The following PLCB1 variants were observed in gnomAD, a reference collection of about 807,000 sequenced individuals.
The protein encoded by PLCB1 is 1-phosphatidylinositol 4,5-bisphosphate phosphodiesterase beta-1.
Under a neutral mutation model 161.8 loss-of-function variants are expected in PLCB1, and 46 were observed. The observed-to-expected ratio is 0.28, with a 90% CI of 0.22 to 0.36. The LOEUF is 0.36. PLCB1 is among the 10% of genes least tolerant of loss of function. The pLI is 1.00. For synonymous variants in PLCB1, 517 were observed against 503.7 expected (o/e 1.03, Z -0.35); for missense variants, 1,016 against 1,472.5 (o/e 0.69, Z 5.07).
At chr20:8,386,802 A>T (rs776068899) in intron 3 of PLCB1, among the ~76,000 whole-genome samples, 1 of 152,226 alleles carries the variant, frequency 6.6e-6, no homozygotes, top group African/African-American at 2.4e-5. Context: ...TCTCAGCTAG[A>T]TCTTCTGGGT....
intron 3 of PLCB1, among the ~76,000 whole-genome samples, chr20:8,497,375 ACTGT>A (rs1983224024): frequency 6.6e-6 from 1 of 152,220 alleles, no homozygotes; most frequent in Admixed American, 6.5e-5. Context: ...TTAGGTAAAT[ACTGT>A]CTGTCTAAAA....
chr20:8,506,205 CA>C (rs372745191), intron 3 of PLCB1, among the ~76,000 whole-genome samples: 38 of 152,170 alleles, frequency 2.5e-4, no homozygotes, highest in African/African-American at 7.7e-4. Flanking sequence ...GCGTTTAAAA[CA>C]AACTATTTGC....
chr20:8,284,074 A>G (rs528788503), intron 2 of PLCB1, among the ~76,000 whole-genome samples: 1 of 152,032 alleles, frequency 6.6e-6, no homozygotes, highest in East Asian at 1.9e-4. Context: ...TGTATCTAGT[A>G]AGCAATCAAT....
chr20:8,429,212 A>G (rs1979926358), intron 3 of PLCB1, among the ~76,000 whole-genome samples: 1 of 152,260 alleles, frequency 6.6e-6, no homozygotes, highest in Non-Finnish European at 1.5e-5. Context: ...TGGCTGACAC[A>G]TGTACTTACT....
intron 4 of PLCB1, among the ~76,000 whole-genome samples, chr20:8,637,138 G>A (rs1160932644): frequency 6.6e-6 from 1 of 152,100 alleles, no homozygotes; most frequent in Non-Finnish European, 1.5e-5. Flanking sequence ...TATTGGTGTT[G>A]GCAGGGGAAT....
chr20:8,148,264 T>C (rs2123028607), intron 1 of PLCB1, among the ~76,000 whole-genome samples: 1 of 152,334 alleles, frequency 6.6e-6, no homozygotes, highest in South Asian at 2.1e-4. Context: ...ATTGGAAACA[T>C]TGGTGTGAGC....
intron 14 of PLCB1, among the ~76,000 whole-genome samples, chr20:8,721,488 A>T (rs901517524): frequency 2.6e-5 from 4 of 152,232 alleles, no homozygotes; most frequent in Non-Finnish European, 5.9e-5. Context: ...CTTCATACTG[A>T]TATGAATATT....
At chr20:8,788,781 C>T (rs1245916453) in intron 29 of PLCB1, 59 bp downstream of exon 29, 20 of 1,087,088 alleles carry the variant, frequency 1.8e-5, no homozygotes, top group East Asian at 1.7e-4. Context: ...TTATTTTGTA[C>T]GTCAGAGTCA....
chr20:8,824,310 T>A (rs936300862), intron 31 of PLCB1, among the ~76,000 whole-genome samples: 1 of 152,176 alleles, frequency 6.6e-6, no homozygotes, highest in African/African-American at 2.4e-5. Flanking sequence ...GTGGATACAC[T>A]AAGCATAGAC....
At chr20:8,574,935 C>G (rs1445533450) in intron 3 of PLCB1, among the ~76,000 whole-genome samples, 1 of 152,198 alleles carries the variant, frequency 6.6e-6, no homozygotes, top group African/African-American at 2.4e-5. Flanking sequence ...AAGAGAGACA[C>G]AGCTGGGGAA....
At chr20:8,866,434 G>A (rs1171576074) in intron 31 of PLCB1, among the ~76,000 whole-genome samples, 1 of 152,200 alleles carries the variant, frequency 6.6e-6, no homozygotes, top group Non-Finnish European at 1.5e-5. Flanking sequence ...TAACTATCAA[G>A]TCCAAAGACA....
At chr20:8,650,070 A>T (rs1471181670) in intron 7 of PLCB1, 1 of 152,192 alleles carries the variant, frequency 6.6e-6, no homozygotes, top group Non-Finnish European at 1.5e-5. Flanking sequence ...AAAGTCACCT[A>T]ATCAGGTAAT....
chr20:8,763,468 C>A (rs768475446), intron 25 of PLCB1, among the ~76,000 whole-genome samples: 1 of 152,202 alleles, frequency 6.6e-6, no homozygotes, highest in African/African-American at 2.4e-5. Flanking sequence ...TCACTGCAAC[C>A]TCTGCTTCCC....
intron 31 of PLCB1, among the ~76,000 whole-genome samples, chr20:8,818,195 G>C (rs1000760569): frequency 6.6e-6 from 1 of 152,112 alleles, no homozygotes; most frequent in Non-Finnish European, 1.5e-5. Context: ...GAAATCTCAA[G>C]CATAGTGTAT....
chr20:8,432,073 G>A (rs1482489480), intron 3 of PLCB1, among the ~76,000 whole-genome samples: 2 of 152,090 alleles, frequency 1.3e-5, no homozygotes, highest in Non-Finnish European at 2.9e-5. Context: ...TATCTCTGTT[G>A]TGGGATTTTT....
intron 2 of PLCB1, among the ~76,000 whole-genome samples, chr20:8,292,534 G>T (rs1262061140): frequency 6.6e-6 from 1 of 152,064 alleles, no homozygotes; most frequent in Non-Finnish European, 1.5e-5. Context: ...TAACCTTATA[G>T]GTTCAGTGTG....
intron 2 of PLCB1, among the ~76,000 whole-genome samples, chr20:8,276,980 CTTCTTCTTATTATTATTA>C (rs1338479818): frequency 6.2e-5 from 6 of 96,874 alleles, no homozygotes; most frequent in Non-Finnish European, 8.5e-5. Context: ...TCTTCTTCTT[CTTCTTCTTATTATTATTA>C]TTATTATTAT....
intron 3 of PLCB1, among the ~76,000 whole-genome samples, chr20:8,417,449 GTTTT>G (rs11323589): frequency 2.2e-4 from 32 of 145,544 alleles, no homozygotes; most frequent in South Asian, 8.8e-4. Flanking sequence ...ATAATTCAGG[GTTTT>G]TTTTTTTTAG....
At chr20:8,486,787 G>GCCCGGCCT (rs1208161907) in intron 3 of PLCB1, among the ~76,000 whole-genome samples, 1 of 152,092 alleles carries the variant, frequency 6.6e-6, no homozygotes, top group Admixed American at 6.6e-5. Context: ...GAGCCACCGC[G>GCCCGGCCT]CCCGGCCTCC....
Sources: allele counts gnomAD v4.1 joint callset (sites outside exome capture counted in the v4.1 genomes callset), GRCh38; gene constraint gnomAD v4.1.1; transcripts MANE v1.5; gene names NCBI Gene and HGNC (gene_info 2026-07-23, HGNC 2026-07-21).